The following RRP1 variants were observed in gnomAD, a reference collection of about 807,000 sequenced individuals.
The protein encoded by RRP1 is ribosomal RNA processing 1, also known as ribosomal RNA processing protein 1 homolog A.
In RRP1, 37 loss-of-function variants were observed where a neutral mutation model predicts 54.6. That is an observed-to-expected ratio of 0.68 (90% CI 0.52 to 0.89). The LOEUF (loss-of-function observed/expected upper bound fraction) is 0.89. Among genes scored for constraint, RRP1 ranks in the 40% least tolerant of loss-of-function variants. The pLI, the probability that RRP1 is intolerant of heterozygous loss-of-function variation, is 0.00. For missense variants in RRP1, 639 were observed against 612.5 expected (o/e 1.04, Z -0.46); for synonymous variants, 262 against 244.3 (o/e 1.07, Z -0.67).
In RRP1 at chr21:43,789,585, G is replaced by T; in HGVS notation, c.-45G>T. 6.4e-7 allele frequency: 1 copy of T among 1,563,372 alleles called. No homozygotes were observed. The highest frequency in any genetic ancestry group is 2.5e-5 in the East Asian group (1 of 40,366). On this transcript the variant is annotated 5_prime_UTR_variant, in exon 1 of 13. Transcript: ENST00000497547. Reference sequence around the variant, plus strand: ...GCAGGAGGCGCGTGCTCAGTGTGCTGGGTACCAGGCGACTCCGGGACAGGG... The same window carrying T: ...GCAGGAGGCGCGTGCTCAGTGTGCTTGGTACCAGGCGACTCCGGGACAGGG...
Position 43,789,608 on chromosome 21 carries a change from G to C in RRP1, c.-22G>C, listed in dbSNP as rs371598902. ...CTGGGTACCAGGCGACTCCGGGACA[G>C]GGGGTCTCGGCCGTCGGCGTCATGG... On this transcript the variant is annotated 5_prime_UTR_variant, in exon 1 of 13. Transcript: ENST00000497547. 3.2e-5 allele frequency: 51 copies of C among 1,584,786 alleles called. No homozygotes were observed. The East Asian group carries it at 9.7e-4, about 30-fold the overall frequency.
Position 43,791,106 on chromosome 21 carries a change from A to G in RRP1, c.134-244A>G, listed in dbSNP as rs2084952340. On this transcript the variant is annotated intron_variant, in intron 1 of 12. Coordinates refer to ENST00000497547, the MANE Select transcript of RRP1 (RefSeq NM_003683.6). The stretch of plus-strand genomic sequence containing the variant: ...TGGAGTATGGTGCCTGATACCTTGT[A>G]GATCTCAGTCGGTTTTACTGTGTGC... 3 of 606,532 alleles carry G rather than the reference A, an allele frequency of 4.9e-6. 1 individual carries two copies. Among genetic ancestry groups the G allele is most frequent in the Non-Finnish European group, 9.2e-6 (3 of 324,686 alleles). The allele number at this position is 606,532 out of a possible 1,614,324, so 37.6% of individuals were successfully genotyped here.
intron 5 of RRP1, among the ~76,000 whole-genome samples, chr21:43,795,507 C>T (rs979931196): frequency 2.6e-5 from 4 of 152,114 alleles, no homozygotes; most frequent in Admixed American, 6.5e-5. Context: ...GGTGTCCAGC[C>T]GAGGAGCTTC....
At position 43,798,052 on chromosome 21, in the gene RRP1, G is replaced by C; in HGVS notation, c.763G>C (p.Glu255Gln). ...SDSDESSEGG[E>Q]RGDALSQKRS... ...CAGTGATGAGTCCTCTGAGGGTGGT[G>C]AGCGTGGAGACGCGCTGTCCCAGAA... is the stretch of plus-strand genomic sequence containing the variant. The change falls in exon 8 of 13, where the codon GAG becomes CAG. Residue 255 changes from glutamate (E) to glutamine (Q), a missense_variant. Glu to Gln is a conservative substitution (Grantham distance 29). Coordinates refer to ENST00000497547, the MANE Select transcript of RRP1 (RefSeq NM_003683.6). 2 of 1,614,100 alleles carry C rather than the reference G, an allele frequency of 1.2e-6. No homozygotes were observed. Among genetic ancestry groups the C allele is most frequent in the Non-Finnish European group, 1.7e-6 (2 of 1,179,990 alleles).
rs768305776 is a variant in RRP1, at chr21:43,797,412, C to T, written c.423-10C>T. 7.8e-5 allele frequency: 125 copies of T among 1,603,454 alleles called. No individual in the cohort carries two copies. Among genetic ancestry groups the T allele is most frequent in the Non-Finnish European group, 1.0e-4 (118 of 1,176,670 alleles). ...AGGCTGCCTGTCATGTTTGCTTTTT[C>T]TTTCCTCAGACAGATCGAGGAGCTG... On this transcript the variant is annotated splice_polypyrimidine_tract_variant and intron_variant, in intron 5 of 12. Transcript: ENST00000497547.
intron 9 of RRP1, 133 bp from the exon 10 acceptor site, chr21:43,800,384 G>A: frequency 1.4e-6 from 1 of 737,422 alleles, no homozygotes; most frequent in Non-Finnish European, 2.3e-6. Flanking sequence ...GTGAGGGTGG[G>A]CTGTGTTCCT....
chr21:43,803,698 C>T lies in RRP1; in HGVS notation c.1310C>T (p.Pro437Leu). Residue 437 changes from proline (P) to leucine (L), a missense_variant, in exon 13 of 13, where the codon CCT becomes CTT. Physicochemically the swap from Pro to Leu is moderately conservative, Grantham distance 98. Coordinates refer to ENST00000497547, the MANE Select transcript of RRP1 (RefSeq NM_003683.6). ...GGGGCTCGCCAGAGAAGGAGGACAC[C>T]TCGGCCCCTGACCAGTGCCCGAGCA... ...QRGARQRRRT[P>L]RPLTSARAKA... 3 of 1,555,200 alleles carry T rather than the reference C, an allele frequency of 1.9e-6. No individual in the cohort carries two copies. Among genetic ancestry groups the T allele is most frequent in the East Asian group, 2.4e-5 (1 of 41,586 alleles).
intron 11 of RRP1, 136 bp from the exon 12 acceptor site, chr21:43,802,138 C>T (rs576413335): frequency 3.8e-5 from 24 of 632,666 alleles, no homozygotes; most frequent in African/African-American, 3.5e-4. Context: ...CACGCTGCTC[C>T]TGGGCATTAG....
intron 8 of RRP1, among the ~76,000 whole-genome samples, chr21:43,798,559 C>T (rs2838380): frequency 0.28 from 42,653 of 151,902 alleles, 7,833 homozygotes; most frequent in African/African-American, 0.52. Context: ...GTTCCTGGCC[C>T]GTCTCCCCAG....
chr21:43,800,332 T>G (rs1264029026), intron 9 of RRP1, among the ~76,000 whole-genome samples, 185 bp from the exon 10 acceptor site: 1 of 152,166 alleles, frequency 6.6e-6, no homozygotes, highest in Non-Finnish European at 1.5e-5. Context: ...GCTTGTGTGG[T>G]GCCCGCTGTG....
At position 43,798,074 on chromosome 21, in the gene RRP1, A is replaced by G. The variant is rs751810835; in HGVS notation, c.785A>G (p.Gln262Arg). 1.8e-5 allele frequency: 29 copies of G among 1,613,608 alleles called. No homozygotes were observed. In the Admixed American group the frequency reaches 4.5e-4, roughly 25 times the overall value. Residue 262 changes from glutamine (Q) to arginine (R), a missense_variant, in exon 8 of 13, where the codon CAG becomes CGG. Transcript: ENST00000497547. ...EGGERGDALS[Q>R]KRSEKPPAGS... is the part of the protein sequence containing the mutation. ...GGTGAGCGTGGAGACGCGCTGTCCC[A>G]GAAGAGGTCTGAGAAGCCGCCCGCA...
intron 9 of RRP1, 122 bp downstream of exon 9, chr21:43,799,771 G>T: frequency 1.1e-6 from 1 of 918,640 alleles, no homozygotes; most frequent in Non-Finnish European, 1.7e-6. Flanking sequence ...AGAGTTACCC[G>T]GACAGGGGTT....
chr21:43,798,690 C>T (rs902466013), intron 8 of RRP1, among the ~76,000 whole-genome samples: 1 of 152,076 alleles, frequency 6.6e-6, no homozygotes, highest in Non-Finnish European at 1.5e-5. Context: ...CCCTCACTGC[C>T]TGCCAGAGGC....
intron 12 of RRP1, 44 bp from the exon 13 acceptor site, chr21:43,803,468 C>T (rs760109953): frequency 6.0e-6 from 9 of 1,502,632 alleles, no homozygotes; most frequent in Admixed American, 4.2e-5. Flanking sequence ...GGAAAGAGCC[C>T]GTGTTGGCAT....
In RRP1 at chr21:43,804,079, A is replaced by C; in HGVS notation, c.*305A>C. On this transcript the variant is annotated 3_prime_UTR_variant, in exon 13 of 13. Transcript: ENST00000497547. The surrounding 1 kb of genome is among the most constrained non-coding windows in gnomAD (Gnocchi z 4.3). The stretch of plus-strand genomic sequence containing the variant: ...CTGCTGTGGGGGGTTCAGAAAATAA[A>C]ATGCCGCGCAGCCCTTGCCAGGGGA... 11 of 290,934 alleles carry C rather than the reference A, an allele frequency of 3.8e-5. No individual in the cohort carries two copies. Among genetic ancestry groups the C allele is most frequent in the East Asian group, 1.1e-4 (2 of 18,596 alleles). The allele number at this position is 290,934 out of a possible 1,614,324, so 18.0% of individuals were successfully genotyped here.
Position 43,797,545 on chromosome 21 carries a change from C to T in RRP1, c.546C>T (p.Ala182=), listed in dbSNP as rs752949461. The change falls in exon 6 of 13, where the codon GCC becomes GCT. Residue 182 remains alanine, a synonymous_variant. Transcript: ENST00000497547. ...IFLEELTKVG[A]EELTADQNLK... is the part of the protein sequence containing the mutation. Reference sequence around the variant, plus strand: ...TGGAGGAGCTGACCAAAGTGGGCGCCGAGGAGGTGAGGCTGGGCTCCGACG... The same window carrying T: ...TGGAGGAGCTGACCAAAGTGGGCGCTGAGGAGGTGAGGCTGGGCTCCGACG... 53 of 1,613,926 alleles carry T rather than the reference C, an allele frequency of 3.3e-5. No homozygotes were observed. The highest frequency in any genetic ancestry group is 1.3e-4 in the African/African-American group (10 of 75,016).
intron 2 of RRP1, among the ~76,000 whole-genome samples, chr21:43,791,908 T>TA (rs1259653576): frequency 1.3e-5 from 2 of 152,198 alleles, no homozygotes; most frequent in Non-Finnish European, 2.9e-5. Flanking sequence ...AGGTGAGTCT[T>TA]ACACTTGCTG....
chr21:43,789,714 G>A lies in RRP1; in HGVS notation c.85G>A (p.Val29Met), dbSNP rs548567025. Residue 29 changes from valine (V) to methionine (M), a missense_variant, in exon 1 of 13, where the codon GTG (valine) becomes ATG (methionine). Coordinates refer to ENST00000497547, the MANE Select transcript of RRP1 (RefSeq NM_003683.6). The part of the protein sequence containing the change: ...GNEQVTRDRA[V>M]RKLRKYIVAR... ...TGAGCAGGTGACCCGGGACCGGGCG[G>A]TGAGGAAGCTCCGGAAATACATCGT... The A allele has an allele frequency of 3.0e-5, 46 of 1,549,006 alleles. No homozygotes were observed. In the East Asian group the frequency reaches 1.1e-3, roughly 36 times the overall value.
chr21:43,792,726 G>A lies in RRP1; in HGVS notation c.271G>A (p.Ala91Thr). 1.2e-6 allele frequency: 2 copies of A among 1,614,104 alleles called. No individual in the cohort carries two copies. The highest frequency in any genetic ancestry group is 1.1e-5 in the South Asian group (1 of 91,074). ...QLVHAFQTTEAQHLFLQAFWQ... is the reference protein window; with the variant it reads ...QLVHAFQTTETQHLFLQAFWQ... ...CGTTCATGCTTTTCAGACCACGGAG[G>A]CGCGTGAGTATGCTCTGCTGTAGTT... Residue 91 changes from alanine to threonine, a missense_variant, in exon 3 of 13, where the codon GCG (alanine) becomes ACG (threonine). Transcript: ENST00000497547.
Sources: allele counts gnomAD v4.1 joint callset (sites outside exome capture counted in the v4.1 genomes callset), GRCh38; gene constraint gnomAD v4.1.1; non-coding constraint Gnocchi (gnomAD v3.1); transcripts MANE v1.5; gene names NCBI Gene and HGNC (gene_info 2026-07-23, HGNC 2026-07-21).